PLCB1: variants seen among roughly 807,000 people sequenced by gnomAD.
PLCB1 encodes the protein 1-phosphatidylinositol 4,5-bisphosphate phosphodiesterase beta-1.
A neutral mutation model predicts 161.8 loss-of-function variants in PLCB1; 46 were observed. The ratio of observed to expected loss-of-function variants is 0.28; its 90% CI spans 0.22 to 0.36. The LOEUF is 0.36. Ranked by LOEUF, PLCB1 falls within the 10% of genes least tolerant of loss-of-function variation. The pLI is 1.00. For synonymous variants in PLCB1, 517 were observed against 503.7 expected, an observed-to-expected ratio of 1.03 and a Z score of -0.35; for missense variants, 1,016 against 1,472.5, an observed-to-expected ratio of 0.69 and a Z score of 5.07.
intron 5 of PLCB1, among the ~76,000 whole-genome samples, chr20:8,646,778 A>C (rs777701796): frequency 6.6e-6 from 1 of 152,240 alleles, no homozygotes; most frequent in Non-Finnish European, 1.5e-5. Context: ...AGCCCTTCTA[A>C]AAATTGTTTG....
At chr20:8,387,816 G>A (rs1256530679) in intron 3 of PLCB1, among the ~76,000 whole-genome samples, 1 of 152,106 alleles carries the variant, frequency 6.6e-6, no homozygotes, top group Non-Finnish European at 1.5e-5. Flanking sequence ...AAAATGGGGA[G>A]TTATTGTTTA....
intron 3 of PLCB1, among the ~76,000 whole-genome samples, chr20:8,592,613 C>A (rs1028585264): frequency 6.6e-6 from 1 of 152,136 alleles, no homozygotes; most frequent in Non-Finnish European, 1.5e-5. Context: ...CTTGGAGAAG[C>A]CGAATAAACT....
At chr20:8,564,456 A>G (rs1261025063) in intron 3 of PLCB1, among the ~76,000 whole-genome samples, 1 of 152,224 alleles carries the variant, frequency 6.6e-6, no homozygotes, top group Non-Finnish European at 1.5e-5. Context: ...CACCAAAAGC[A>G]ATGGCAATAG....
intron 3 of PLCB1, among the ~76,000 whole-genome samples, chr20:8,433,601 C>T (rs1775340415): frequency 6.8e-6 from 1 of 146,910 alleles, no homozygotes; most frequent in African/African-American, 2.6e-5. Flanking sequence ...AAGTAACTGC[C>T]TCATAGGTTT....
chr20:8,433,396 T>A (rs1469358165), intron 3 of PLCB1, among the ~76,000 whole-genome samples: 1 of 116,308 alleles, frequency 8.6e-6, no homozygotes, highest in African/African-American at 3.6e-5. Context: ...AGAGTGGGCT[T>A]CTTTTGATTT....
chr20:8,178,623 G>A (rs1405122909), intron 2 of PLCB1, among the ~76,000 whole-genome samples: 2 of 152,152 alleles, frequency 1.3e-5, no homozygotes, highest in African/African-American at 4.8e-5. Context: ...CTGTGAAGGA[G>A]CTCTTTGGTT....
intron 2 of PLCB1, among the ~76,000 whole-genome samples, chr20:8,166,884 A>C (rs2051681202): frequency 6.6e-6 from 1 of 152,146 alleles, no homozygotes; most frequent in Non-Finnish European, 1.5e-5. Flanking sequence ...CCCATGGATT[A>C]GCCCCTCCCC....
intron 2 of PLCB1, among the ~76,000 whole-genome samples, chr20:8,218,878 T>G (rs748886459): frequency 2.0e-4 from 30 of 152,262 alleles, no homozygotes; most frequent in Non-Finnish European, 3.2e-4. Flanking sequence ...TAAAATGATC[T>G]GAACTACATA....
intron 2 of PLCB1, among the ~76,000 whole-genome samples, chr20:8,154,692 CTG>C (rs2051541806): frequency 6.6e-6 from 1 of 152,178 alleles, no homozygotes; most frequent in Non-Finnish European, 1.5e-5. Context: ...TGCTAGTAAA[CTG>C]TGTATATTAT....
chr20:8,425,595 C>G (rs1343179974), intron 3 of PLCB1, among the ~76,000 whole-genome samples: 1 of 151,924 alleles, frequency 6.6e-6, no homozygotes, highest in Non-Finnish European at 1.5e-5. Context: ...ATATTTATCA[C>G]CCTTCCACAA....
At chr20:8,724,125 C>T (rs924132510) in intron 15 of PLCB1, among the ~76,000 whole-genome samples, 4 of 150,518 alleles carry the variant, frequency 2.7e-5, no homozygotes, top group East Asian at 2.0e-4. Flanking sequence ...GCTTAATACC[C>T]GGGTGACAAA....
At chr20:8,319,526 G>GA (rs111997224) in intron 2 of PLCB1, among the ~76,000 whole-genome samples, 1,690 of 145,978 alleles carry the variant, frequency 0.012, 20 homozygotes, top group Non-Finnish European at 0.015. Context: ...TCTTGGCAAA[G>GA]AAAAAAAAAA....
intron 31 of PLCB1, among the ~76,000 whole-genome samples, chr20:8,868,799 T>G (rs1382333668): frequency 6.6e-6 from 1 of 151,420 alleles, no homozygotes; most frequent in Non-Finnish European, 1.5e-5. Context: ...ACGCAGCCAG[T>G]TTTTTTTTAT....
At chr20:8,269,896 T>TA (rs56376722) in intron 2 of PLCB1, among the ~76,000 whole-genome samples, 200 of 144,522 alleles carry the variant, frequency 1.4e-3, no homozygotes, top group Non-Finnish European at 2.3e-3. Context: ...TCTTTTCCTT[T>TA]AAAAAAAAAA....
chr20:8,797,358 A>G (rs1984077618), intron 31 of PLCB1, among the ~76,000 whole-genome samples: 1 of 152,218 alleles, frequency 6.6e-6, no homozygotes, highest in African/African-American at 2.4e-5. Flanking sequence ...ACTCTAAACT[A>G]TCATGAAAGC....
At chr20:8,603,562 C>T (rs1987664322) in intron 3 of PLCB1, among the ~76,000 whole-genome samples, 2 of 152,334 alleles carry the variant, frequency 1.3e-5, no homozygotes, top group South Asian at 2.1e-4. Context: ...CAGTGTTTCT[C>T]TCAGTCCCTA....
chr20:8,642,175 C>G (rs1988977727), intron 4 of PLCB1, among the ~76,000 whole-genome samples: 1 of 152,196 alleles, frequency 6.6e-6, no homozygotes, highest in East Asian at 1.9e-4. Context: ...GATTGGCAAT[C>G]ATTTCTCTTT....
intron 31 of PLCB1, among the ~76,000 whole-genome samples, chr20:8,840,382 A>C (rs116941674): frequency 6.6e-6 from 1 of 152,368 alleles, no homozygotes; most frequent in East Asian, 1.9e-4. Flanking sequence ...CAAGGGCTAG[A>C]CTGTGTGACA....
chr20:8,428,276 A>C (rs1979877535), intron 3 of PLCB1, among the ~76,000 whole-genome samples: 1 of 151,574 alleles, frequency 6.6e-6, no homozygotes, highest in Non-Finnish European at 1.5e-5. Context: ...GCTGGAATCC[A>C]GTGGTGCAAT....
Sources: allele counts gnomAD v4.1 joint callset (sites outside exome capture counted in the v4.1 genomes callset), GRCh38; gene constraint gnomAD v4.1.1; transcripts MANE v1.5; gene names NCBI Gene and HGNC (gene_info 2026-07-23, HGNC 2026-07-21).